The following HTR1F variants were observed in gnomAD, a reference collection of about 807,000 sequenced individuals.
HTR1F encodes the protein 5-hydroxytryptamine receptor 1F, also known as 5-hydroxytryptamine (serotonin) receptor 1F, G protein-coupled.
Under a neutral mutation model 24.0 loss-of-function variants are expected in HTR1F, and 17 were observed. The observed-to-expected ratio is 0.71, with a 90% CI of 0.48 to 1.06. HTR1F has a LOEUF of 1.06. Ranked by LOEUF, HTR1F falls within the 50% of genes least tolerant of loss-of-function variation. The pLI is 0.00. For synonymous variants in HTR1F, 186 were observed against 156.8 expected, an observed-to-expected ratio of 1.19 and a Z score of -1.39; for missense variants, 391 against 427.8, an observed-to-expected ratio of 0.91 and a Z score of 0.76.
chr3:87,991,140 T>G lies in HTR1F; in HGVS notation c.391T>G (p.Tyr131Asp), dbSNP rs577073111. The G allele has an allele frequency of 1.2e-6, 2 of 1,614,080 alleles. No homozygotes were observed. Among genetic ancestry groups the G allele is most frequent in the African/African-American group, 1.3e-5 (1 of 75,034 alleles). The change falls in exon 3 of 3, where the codon TAT becomes GAT. Residue 131 changes from tyrosine to aspartate, a missense_variant. By Grantham distance (160) the Tyr-to-Asp change is radical. Coordinates refer to ENST00000319595, the MANE Select transcript of HTR1F (RefSeq NM_001322209.2). ...RYRAITDAVE[Y>D]ARKRTPKHAG... Reference sequence around the variant, plus strand: ...TCGAGCAATCACAGATGCTGTTGAGTATGCCAGGAAAAGGACTCCAAAGCA... The same window carrying G: ...TCGAGCAATCACAGATGCTGTTGAGGATGCCAGGAAAAGGACTCCAAAGCA...
intron 2 of HTR1F, among the ~76,000 whole-genome samples, chr3:87,841,362 C>T (rs1704798574): frequency 6.6e-6 from 1 of 151,776 alleles, no homozygotes; most frequent in South Asian, 2.1e-4. Context: ...CTGAAATTCC[C>T]ATTATTAATC....
At chr3:87,821,484 A>T (rs1420587230) in intron 1 of HTR1F, among the ~76,000 whole-genome samples, 2 of 152,176 alleles carry the variant, frequency 1.3e-5, no homozygotes, top group Non-Finnish European at 2.9e-5. Context: ...CTTATTTTAT[A>T]TTAAAATGTT....
At chr3:87,902,476 G>A (rs1185632927) in intron 2 of HTR1F, among the ~76,000 whole-genome samples, 2 of 152,038 alleles carry the variant, frequency 1.3e-5, no homozygotes, top group African/African-American at 2.4e-5. Context: ...AGAAGGTAAC[G>A]TACTTCATGA....
chr3:87,986,741 T>C (rs1705669760), intron 2 of HTR1F, among the ~76,000 whole-genome samples: 4 of 152,212 alleles, frequency 2.6e-5, no homozygotes, highest in Admixed American at 6.5e-5. Context: ...CAAATTAAAA[T>C]GGAAAGCTAT....
At chr3:87,912,645 A>C (rs921737225) in intron 2 of HTR1F, among the ~76,000 whole-genome samples, 12 of 151,520 alleles carry the variant, frequency 7.9e-5, no homozygotes, top group Non-Finnish European at 1.8e-4. Context: ...AAAAAAAAAA[A>C]AAAAAAACAA....
intron 2 of HTR1F, among the ~76,000 whole-genome samples, chr3:87,867,357 G>A (rs1705451907): frequency 6.7e-6 from 1 of 149,074 alleles, no homozygotes; most frequent in Non-Finnish European, 1.5e-5. Context: ...TTCTCTTTTT[G>A]TCTCTCTCTC....
At chr3:87,859,634 T>C (rs1028212958) in intron 2 of HTR1F, among the ~76,000 whole-genome samples, 1 of 152,224 alleles carries the variant, frequency 6.6e-6, no homozygotes, top group African/African-American at 2.4e-5. Context: ...CAACATCTGG[T>C]GTGGCAAGCA....
intron 2 of HTR1F, among the ~76,000 whole-genome samples, chr3:87,935,813 T>TG (rs1246722432): frequency 6.6e-6 from 1 of 151,812 alleles, no homozygotes; most frequent in African/African-American, 2.4e-5. Flanking sequence ...TTATTTCTTC[T>TG]GAAAAAAAAA....
chr3:87,827,911 GGGGTAACTTAATGA>G (rs1704497935), intron 2 of HTR1F, among the ~76,000 whole-genome samples: 1 of 152,044 alleles, frequency 6.6e-6, no homozygotes, highest in African/African-American at 2.4e-5. Context: ...CTTCTCTCCT[GGGGTAACTTAATGA>G]ACTTCTCTGG....
intron 2 of HTR1F, among the ~76,000 whole-genome samples, chr3:87,903,070 A>G (rs1024294257): frequency 1.3e-5 from 2 of 151,920 alleles, no homozygotes; most frequent in African/African-American, 4.8e-5. Context: ...CTGGCTAGCC[A>G]TATGTAGAAA....
At chr3:87,878,421 A>C (rs1427863484) in intron 2 of HTR1F, among the ~76,000 whole-genome samples, 1 of 152,204 alleles carries the variant, frequency 6.6e-6, no homozygotes, top group Non-Finnish European at 1.5e-5. Flanking sequence ...ATATCGATAA[A>C]AATGATTTCC....
chr3:87,930,433 C>T (rs143212509), intron 2 of HTR1F, among the ~76,000 whole-genome samples: 15 of 152,092 alleles, frequency 9.9e-5, no homozygotes, highest in African/African-American at 3.6e-4. Flanking sequence ...TCATAGGTGG[C>T]TCTTAATGTT....
At chr3:87,820,666 T>C (rs1216147220) in intron 1 of HTR1F, among the ~76,000 whole-genome samples, 5 of 152,198 alleles carry the variant, frequency 3.3e-5, no homozygotes, top group East Asian at 3.9e-4. Context: ...TTGTAATAAA[T>C]TTGAGAGTTG....
At chr3:87,909,777 G>A (rs1703738048) in intron 2 of HTR1F, among the ~76,000 whole-genome samples, 1 of 151,848 alleles carries the variant, frequency 6.6e-6, no homozygotes, top group African/African-American at 2.4e-5. Flanking sequence ...CTCCATTCAC[G>A]ACTTTATTTT....
At chr3:87,845,684 A>G (rs1704925044) in intron 2 of HTR1F, among the ~76,000 whole-genome samples, 1 of 151,824 alleles carries the variant, frequency 6.6e-6, no homozygotes, top group Non-Finnish European at 1.5e-5. Context: ...ATTCAATGCC[A>G]TCCCCATCAA....
intron 2 of HTR1F, among the ~76,000 whole-genome samples, chr3:87,983,220 A>C (rs1285636625): frequency 6.6e-6 from 1 of 152,176 alleles, no homozygotes; most frequent in Non-Finnish European, 1.5e-5. Flanking sequence ...CAAATCTGAG[A>C]AGTGTATGTC....
chr3:87,807,410 TATTAGTACATTA>T (rs1244933168), intron 1 of HTR1F, among the ~76,000 whole-genome samples: 14 of 152,026 alleles, frequency 9.2e-5, no homozygotes, highest in African/African-American at 3.1e-4. Context: ...CTTCTTGATT[TATTAGTACATTA>T]ATTAGTACAT....
At chr3:87,878,916 CTG>C (rs1049855220) in intron 2 of HTR1F, among the ~76,000 whole-genome samples, 1 of 152,012 alleles carries the variant, frequency 6.6e-6, no homozygotes, top group African/African-American at 2.4e-5. Context: ...AGTAGGAAGT[CTG>C]TTATTCTTTT....
chr3:87,811,734 G>C (rs2919255), intron 1 of HTR1F, among the ~76,000 whole-genome samples: 1 of 152,134 alleles, frequency 6.6e-6, no homozygotes, highest in Non-Finnish European at 1.5e-5. Context: ...ACTGAACACA[G>C]AGTCAGGAAG....
Sources: allele counts gnomAD v4.1 joint callset (sites outside exome capture counted in the v4.1 genomes callset), GRCh38; gene constraint gnomAD v4.1.1; transcripts MANE v1.5; gene names NCBI Gene and HGNC (gene_info 2026-07-23, HGNC 2026-07-21).